Variants in CNTN5 observed in about 807,000 individuals in gnomAD.
CNTN5 encodes the protein contactin 5.
A neutral mutation model predicts 129.1 loss-of-function variants in CNTN5; 77 were observed. That is an observed-to-expected ratio of 0.60 (90% CI 0.50 to 0.72). The LOEUF (loss-of-function observed/expected upper bound fraction) is 0.72. Ranked by LOEUF, CNTN5 falls within the 30% of genes least tolerant of loss-of-function variation. The probability of loss-of-function intolerance (pLI) is 0.00; values close to 1 mark genes in which losing one functional copy is unlikely to be tolerated. For missense variants in CNTN5, 1,478 were observed against 1,328.8 expected (o/e 1.11, Z -1.75); for synonymous variants, 509 against 465.6 (o/e 1.09, Z -1.20).
At chr11:99,936,329 G>T (rs765552035) in intron 7 of CNTN5, among the ~76,000 whole-genome samples, 1 of 152,114 alleles carries the variant, frequency 6.6e-6, no homozygotes, top group Non-Finnish European at 1.5e-5. Context: ...TGTTGTTTGC[G>T]TTTAGTAAAG....
At chr11:99,970,905 G>A (rs988598505) in intron 8 of CNTN5, among the ~76,000 whole-genome samples, 4 of 152,016 alleles carry the variant, frequency 2.6e-5, no homozygotes, top group Non-Finnish European at 5.9e-5. Context: ...ACAGTTTTCT[G>A]ACTCCATAAT....
At chr11:99,718,588 A>G (rs1943062094) in intron 3 of CNTN5, among the ~76,000 whole-genome samples, 1 of 152,186 alleles carries the variant, frequency 6.6e-6, no homozygotes, top group Non-Finnish European at 1.5e-5. Flanking sequence ...AAGACAGTTT[A>G]AAGGAAAAAT....
At chr11:100,249,257 T>G (rs1459619143) in intron 16 of CNTN5, among the ~76,000 whole-genome samples, 1 of 152,170 alleles carries the variant, frequency 6.6e-6, no homozygotes, top group Non-Finnish European at 1.5e-5. Context: ...TAAAAGACAA[T>G]TGCTTCTCGA....
chr11:99,658,908 AAAAG>A (rs1472693270), intron 3 of CNTN5, among the ~76,000 whole-genome samples: 36 of 145,950 alleles, frequency 2.5e-4, no homozygotes, highest in Non-Finnish European at 1.8e-4. Context: ...AAAAAAAAGA[AAAAG>A]AAAAATATAA....
At chr11:99,302,081 G>A (rs963854013) in intron 1 of CNTN5, among the ~76,000 whole-genome samples, 1 of 151,616 alleles carries the variant, frequency 6.6e-6, no homozygotes, top group African/African-American at 2.4e-5. Context: ...ATTTGTAGCA[G>A]TTTGTAGAGA....
intron 1 of CNTN5, among the ~76,000 whole-genome samples, chr11:99,090,023 T>C (rs1278151417): frequency 6.6e-6 from 1 of 152,204 alleles, no homozygotes; most frequent in African/African-American, 2.4e-5. Context: ...AGAAAAATTC[T>C]GTTTCTCTTT....
intron 1 of CNTN5, among the ~76,000 whole-genome samples, chr11:99,159,731 C>A (rs1860515216): frequency 6.6e-6 from 1 of 152,090 alleles, no homozygotes; most frequent in Non-Finnish European, 1.5e-5. Flanking sequence ...TTTAAAAATT[C>A]AATGGCATAA....
intron 1 of CNTN5, among the ~76,000 whole-genome samples, chr11:99,155,065 C>T (rs1440827315): frequency 6.6e-6 from 1 of 152,066 alleles, no homozygotes; most frequent in African/African-American, 2.4e-5. Flanking sequence ...CTCCTGCTAC[C>T]AGGATCCATG....
intron 13 of CNTN5, among the ~76,000 whole-genome samples, chr11:100,117,288 T>C (rs1012123854): frequency 4.6e-5 from 7 of 151,936 alleles, no homozygotes; most frequent in African/African-American, 4.8e-5. Context: ...CTGATCTGCT[T>C]TGTGACACTG....
chr11:99,843,251 G>A (rs1947574595), intron 4 of CNTN5, among the ~76,000 whole-genome samples: 1 of 152,114 alleles, frequency 6.6e-6, no homozygotes, highest in African/African-American at 2.4e-5. Flanking sequence ...TTGCATCTAG[G>A]TTATCTAGGA....
At chr11:99,523,597 GATAGA>G (rs541032430) in intron 2 of CNTN5, among the ~76,000 whole-genome samples, 8,848 of 127,396 alleles carry the variant, frequency 0.069, 952 homozygotes, top group African/African-American at 0.091. Context: ...CTCAAAGAAA[GATAGA>G]ATAGAATAGA....
intron 2 of CNTN5, among the ~76,000 whole-genome samples, chr11:99,429,326 T>C (rs1336679413): frequency 2.0e-5 from 3 of 152,168 alleles, no homozygotes; most frequent in African/African-American, 7.2e-5. Flanking sequence ...CATACAGGTA[T>C]AGACACATAG....
intron 2 of CNTN5, among the ~76,000 whole-genome samples, chr11:99,463,737 T>G (rs921775236): frequency 2.0e-5 from 3 of 148,526 alleles, no homozygotes; most frequent in Non-Finnish European, 3.0e-5. Flanking sequence ...CTATGGCATC[T>G]GAAATGAAAA....
chr11:99,508,378 T>C (rs1946703221), intron 2 of CNTN5, among the ~76,000 whole-genome samples: 1 of 152,160 alleles, frequency 6.6e-6, no homozygotes, highest in South Asian at 2.1e-4. Flanking sequence ...TCATTTACAG[T>C]CAGCCCTTCG....
At chr11:99,491,231 A>G (rs1427160554) in intron 2 of CNTN5, among the ~76,000 whole-genome samples, 1 of 152,170 alleles carries the variant, frequency 6.6e-6, no homozygotes, top group African/African-American at 2.4e-5. Context: ...GTGGTTCAGC[A>G]GGCCAGGCAG....
intron 9 of CNTN5, among the ~76,000 whole-genome samples, chr11:100,035,576 C>G (rs1465474473): frequency 7.0e-6 from 1 of 142,760 alleles, no homozygotes; most frequent in Non-Finnish European, 1.5e-5. Flanking sequence ...AACTAGTTTA[C>G]AGTCCCACCA....
At chr11:99,857,588 A>C (rs1232845100) in intron 6 of CNTN5, among the ~76,000 whole-genome samples, 2 of 152,196 alleles carry the variant, frequency 1.3e-5, no homozygotes, top group East Asian at 3.8e-4. Context: ...ATTAATGTTA[A>C]TATCAATACA....
chr11:99,172,843 T>G (rs1421055213), intron 1 of CNTN5, among the ~76,000 whole-genome samples: 1 of 152,172 alleles, frequency 6.6e-6, no homozygotes, highest in African/African-American at 2.4e-5. Flanking sequence ...CCAAGGAGAT[T>G]TCCAAAATAG....
intron 13 of CNTN5, among the ~76,000 whole-genome samples, chr11:100,076,486 A>C (rs1944130788): frequency 6.6e-6 from 1 of 151,900 alleles, no homozygotes; most frequent in African/African-American, 2.4e-5. Flanking sequence ...TAAATTTTTT[A>C]TTTTTCAGAT....
Sources: gnomAD v4.1 joint callset for allele counts (sites outside exome capture counted in the v4.1 genomes callset) on GRCh38, gnomAD v4.1.1 for gene constraint, MANE v1.5 for transcripts, NCBI Gene and HGNC (gene_info 2026-07-23, HGNC 2026-07-21) for gene names.